SLC26A5: variants seen among roughly 807,000 people sequenced by gnomAD.
SLC26A5 encodes prestin.
Under a neutral mutation model 81.0 loss-of-function variants are expected in SLC26A5, and 51 were observed. The observed-to-expected ratio is 0.63, with a 90% CI of 0.50 to 0.80. The LOEUF (loss-of-function observed/expected upper bound fraction) is 0.80. Among genes scored for constraint, SLC26A5 ranks in the 30% least tolerant of loss-of-function variants. SLC26A5 has a pLI of 0.00. For synonymous variants in SLC26A5, 325 were observed against 332.8 expected (o/e 0.98, Z 0.25); for missense variants, 771 against 905.8 (o/e 0.85, Z 1.91).
Position 103,378,560 on chromosome 7 carries a change from A to G in SLC26A5, c.1678-7T>C. On this transcript the variant is annotated splice_polypyrimidine_tract_variant and splice_region_variant and intron_variant, in intron 16 of 19. Transcript: ENST00000306312. The stretch of plus-strand genomic sequence containing the variant: ...CTGCTGGGTTCACTCCAGTCTTTAC[A>G]GAAGAGCACCATATGCAAAATCACT... 6.2e-7 allele frequency: 1 copy of G among 1,613,446 alleles called. No individual in the cohort carries two copies. The highest frequency in any genetic ancestry group is 8.5e-7 in the Non-Finnish European group (1 of 1,179,406).
chr7:103,372,801 G>A (rs536046974), downstream of SLC26A5, among the ~76,000 whole-genome samples: 30 of 146,278 alleles, frequency 2.1e-4, no homozygotes, highest in East Asian at 3.8e-3. Context: ...TTTGAGCATC[G>A]AAAAGAACAT....
rs147347079 is a variant in SLC26A5 at position 103,418,316 on chromosome 7, G to T, written c.292+2422C>A. 4.4e-3 allele frequency among the ~76,000 whole-genome samples: 671 copies of T among 152,344 alleles called. 6 individuals are homozygous for T. Among genetic ancestry groups the T allele is most frequent in the African/African-American group, 0.015 (636 of 41,572 alleles). On this transcript the variant is annotated intron_variant, in intron 4 of 19. Coordinates refer to ENST00000306312, the MANE Select transcript of SLC26A5 (RefSeq NM_198999.3). ...GTTCAAGATGGAAGAAAGTCAGCTG[G>T]TTGAAAATAAGTTTGCAGAATGACT...
Position 103,389,423 on chromosome 7 carries a change from G to A in SLC26A5, c.1313C>T (p.Ala438Val). 1 of 1,611,818 alleles carries A rather than the reference G, an allele frequency of 6.2e-7. No individual in the cohort carries two copies. Among genetic ancestry groups the A allele is most frequent in the Non-Finnish European group, 8.5e-7 (1 of 1,177,942 alleles). Residue 438 changes from alanine (A) to valine (V), a missense_variant and splice_region_variant, in exon 13 of 20, where the codon GCT becomes GTT. Ala to Val is a moderately conservative substitution (Grantham distance 64, BLOSUM62 0). Coordinates refer to ENST00000306312, the MANE Select transcript of SLC26A5 (RefSeq NM_198999.3). ...TGFLFESLPQAVLSAIVIVNL... is the reference protein window; with the variant it reads ...TGFLFESLPQVVLSAIVIVNL... ...GACAATCACAATGGCCGACAGCACA[G>A]CCTGAAACAGAGCACATCCCCCATG...
intron 3 of SLC26A5, 98 bp downstream of exon 3, chr7:103,421,265 C>T: frequency 2.2e-6 from 3 of 1,347,916 alleles, no homozygotes; most frequent in South Asian, 1.2e-5. Flanking sequence ...ATTCATTTTT[C>T]TCTCCACTTC....
intron 2 of SLC26A5, among the ~76,000 whole-genome samples, chr7:103,433,888 A>G (rs1375622166): frequency 6.6e-6 from 1 of 151,842 alleles, no homozygotes; most frequent in Non-Finnish European, 1.5e-5. Context: ...TTTTTAGTAG[A>G]GACAGGGTTT....
intron 19 of SLC26A5, among the ~76,000 whole-genome samples, chr7:103,360,457 C>A (rs1820315533): frequency 6.6e-6 from 1 of 152,074 alleles, no homozygotes; most frequent in Admixed American, 6.6e-5. Flanking sequence ...GCTATCAGGA[C>A]AAAGCATTCT....
At chr7:103,413,714 T>C (rs1053031382) in intron 4 of SLC26A5, among the ~76,000 whole-genome samples, 29 of 152,046 alleles carry the variant, frequency 1.9e-4, no homozygotes, top group African/African-American at 6.8e-4. Flanking sequence ...CCAAGAAACT[T>C]TGGAAGTGCA....
At chr7:103,390,551 A>G (rs113764676) in intron 11 of SLC26A5, 45 bp from the exon 12 acceptor site, 16 of 1,492,472 alleles carry the variant, frequency 1.1e-5, no homozygotes, top group African/African-American at 9.7e-5. Flanking sequence ...GGAGACTTGA[A>G]TAAGAGGCAG....
At chr7:103,429,883 T>C (rs1480201107) in intron 2 of SLC26A5, among the ~76,000 whole-genome samples, 1 of 152,232 alleles carries the variant, frequency 6.6e-6, no homozygotes, top group Admixed American at 6.5e-5. Context: ...TGCCCATCCT[T>C]TCCCTCTTCT....
chr7:103,425,712 G>T (rs927600327), intron 2 of SLC26A5, among the ~76,000 whole-genome samples: 2 of 152,002 alleles, frequency 1.3e-5, no homozygotes, highest in African/African-American at 4.8e-5. Flanking sequence ...TTTTGAAGAG[G>T]ATTAAAATAT....
rs1377325510 is a variant in SLC26A5 at position 103,380,533 on chromosome 7, G to A, written c.1531C>T (p.Leu511Phe). 1 of 1,613,764 alleles carries A rather than the reference G, an allele frequency of 6.2e-7. No homozygotes were observed. The highest frequency in any genetic ancestry group is 1.7e-5 in the Admixed American group (1 of 60,004). The change falls in exon 15 of 20, where the codon CTT (leucine) becomes TTT (phenylalanine). Residue 511 changes from leucine to phenylalanine, a missense_variant. Leu to Phe is a conservative substitution (Grantham distance 22). Transcript: ENST00000306312. ...YRTQSPSYKV[L>F]GKLPETDVYI... ...ACATCAGTTTCAGGAAGCTTTCCAA[G>A]GACTTTGTAGCTTGGACTGAAGATA...
intron 4 of SLC26A5, among the ~76,000 whole-genome samples, chr7:103,418,294 C>A (rs1825078884): frequency 6.6e-6 from 1 of 152,214 alleles, no homozygotes; most frequent in African/African-American, 2.4e-5. Flanking sequence ...CATTCTAGTT[C>A]AAGATGGAAG....
intron 2 of SLC26A5, among the ~76,000 whole-genome samples, chr7:103,424,513 T>C (rs924510645): frequency 6.6e-6 from 1 of 152,224 alleles, no homozygotes; most frequent in Non-Finnish European, 1.5e-5. Context: ...ATCTTATAGA[T>C]TATGTCTGCT....
In SLC26A5 at chr7:103,438,583, C is replaced by T. The variant is rs549570486; in HGVS notation, c.-54+4500G>A. Among the ~76,000 whole-genome samples the T allele has an allele frequency of 9.2e-5, 14 of 152,138 alleles. 1 individual carries two copies. The highest frequency in any genetic ancestry group is 3.4e-4 in the African/African-American group (14 of 41,506). ...GGCCTGGCTGGTCTTGAACTCCTGA[C>T]TTCAAGCGATCCACCCACCTCAGCC... is the stretch of plus-strand genomic sequence containing the variant. On this transcript the variant is annotated intron_variant, in intron 2 of 19. Transcript: ENST00000306312.
intron 19 of SLC26A5, among the ~76,000 whole-genome samples, chr7:103,353,729 T>C (rs1819862639): frequency 6.6e-6 from 1 of 152,202 alleles, no homozygotes; most frequent in South Asian, 2.1e-4. Flanking sequence ...AAACCTATTT[T>C]CCTCCCAGTT....
intron 9 of SLC26A5, among the ~76,000 whole-genome samples, chr7:103,395,326 T>C (rs78780543): frequency 0.038 from 5,705 of 148,386 alleles, 138 homozygotes; most frequent in East Asian, 0.076. Context: ...GATAGCCTGT[T>C]TCCAGAAACG....
intron 2 of SLC26A5, among the ~76,000 whole-genome samples, chr7:103,438,295 T>C (rs1024111874): frequency 2.0e-5 from 3 of 152,128 alleles, no homozygotes; most frequent in African/African-American, 7.2e-5. Flanking sequence ...TATCAAAACA[T>C]CACATTGTAC....
chr7:103,443,253 T>C (rs1827010932), intron 1 of SLC26A5, 42 bp from the exon 2 acceptor site: 1 of 152,220 alleles, frequency 6.6e-6, no homozygotes, highest in Admixed American at 6.5e-5. Flanking sequence ...CAGCAGTTGT[T>C]GGTTTGTTTT....
At chr7:103,366,040 A>G (rs1820702503) in intron 19 of SLC26A5, 1 of 1,532,932 alleles carries the variant, frequency 6.5e-7, no homozygotes, top group Admixed American at 1.8e-5. Flanking sequence ...ATATTTTGAA[A>G]CCAATTTTGA....
Sources: gnomAD v4.1 joint callset for allele counts (sites outside exome capture counted in the v4.1 genomes callset) on GRCh38, gnomAD v4.1.1 for gene constraint, MANE v1.5 for transcripts, NCBI Gene and HGNC (gene_info 2026-07-23, HGNC 2026-07-21) for gene names.